Variants in ARMC9 observed in about 807,000 individuals in gnomAD.
ARMC9 encodes armadillo repeat containing 9, also known as lisH domain-containing protein ARMC9.
Under a neutral mutation model 107.0 loss-of-function variants are expected in ARMC9, and 94 were observed. The ratio of observed to expected loss-of-function variants is 0.88; its 90% CI spans 0.74 to 1.04. ARMC9 has a LOEUF of 1.04. Among genes scored for constraint, ARMC9 ranks in the 50% least tolerant of loss-of-function variants. The pLI, the probability that ARMC9 is intolerant of heterozygous loss-of-function variation, is 0.00. For synonymous variants in ARMC9, 380 were observed against 396.9 expected (o/e 0.96, Z 0.51); for missense variants, 942 against 1,030.1 (o/e 0.91, Z 1.17).
intron 17 of ARMC9, among the ~76,000 whole-genome samples, chr2:231,290,756 A>C (rs1283963372): frequency 1.3e-5 from 2 of 152,218 alleles, no homozygotes; most frequent in African/African-American, 4.8e-5. Context: ...AAAAGGAATG[A>C]AATCTGTTTA....
chr2:231,239,933 C>T lies in ARMC9; in HGVS notation c.781-10C>T. The T allele has an allele frequency of 6.2e-7, 1 of 1,610,168 alleles. No homozygotes were observed. Among genetic ancestry groups the T allele is most frequent in the Non-Finnish European group, 8.5e-7 (1 of 1,176,574 alleles). ...TGCCATCACCAGATGTCTTTGTATC[C>T]TCCTTGCAGATCACCCCTGAGTACC... is the stretch of plus-strand genomic sequence containing the variant. On this transcript the variant is annotated splice_polypyrimidine_tract_variant and intron_variant, in intron 8 of 24. Transcript: ENST00000611582.
At chr2:231,287,361 C>T (rs1412017418) in intron 17 of ARMC9, among the ~76,000 whole-genome samples, 4 of 152,232 alleles carry the variant, frequency 2.6e-5, no homozygotes, top group Admixed American at 2.6e-4. Context: ...GGTGTGCCTG[C>T]ACCCTAGCTG....
intron 19 of ARMC9, among the ~76,000 whole-genome samples, chr2:231,326,523 A>G (rs7570052): frequency 0.56 from 85,354 of 152,054 alleles, 24,422 homozygotes; most frequent in Admixed American, 0.61. Context: ...CTTTGGGGAC[A>G]GCCTAGAGTA....
Position 231,360,806 on chromosome 2 carries a change from G to T in ARMC9, c.2184G>T (p.Glu728Asp). 2.0e-6 allele frequency: 3 copies of T among 1,536,160 alleles called. No individual in the cohort carries two copies. The highest frequency in any genetic ancestry group is 2.6e-6 in the Non-Finnish European group (3 of 1,146,916). ...GGCTCCCAAGAGGACGCCAGGAAGA[G>T]CCTCGCCCAGCCCCCACGGGGACCC... ...GEWLPRGRQEEPRPAPTGTPR... is the reference protein window; with the variant it reads ...GEWLPRGRQEDPRPAPTGTPR... Residue 728 changes from glutamate (E) to aspartate (D), a missense_variant, in exon 23 of 25, where the codon GAG becomes GAT. Glu to Asp is a conservative substitution (Grantham distance 45, BLOSUM62 2). Coordinates refer to ENST00000611582, the MANE Select transcript of ARMC9 (RefSeq NM_001352754.2). The surrounding 1 kb of genome is among the most constrained non-coding windows in gnomAD (Gnocchi z 4.7).
intron 20 of ARMC9, among the ~76,000 whole-genome samples, chr2:231,335,086 T>A: frequency 6.6e-6 from 1 of 152,242 alleles, no homozygotes; most frequent in Admixed American, 6.5e-5. Flanking sequence ...CTGTGCCATC[T>A]GCCCAACACA....
chr2:231,233,955 AATT>A (rs1392017406), intron 7 of ARMC9, among the ~76,000 whole-genome samples: 2 of 152,176 alleles, frequency 1.3e-5, no homozygotes, highest in Admixed American at 1.3e-4. Flanking sequence ...CCATCAAAGC[AATT>A]ATTGTCTCCA....
intron 23 of ARMC9, among the ~76,000 whole-genome samples, chr2:231,368,959 TA>T (rs1056705403): frequency 2.0e-5 from 3 of 152,146 alleles, no homozygotes; most frequent in African/African-American, 7.2e-5. Flanking sequence ...GTTATCAATG[TA>T]AAAAAAGGCA....
chr2:231,368,221 T>C (rs2045889993), intron 23 of ARMC9, among the ~76,000 whole-genome samples: 1 of 152,078 alleles, frequency 6.6e-6, no homozygotes, highest in South Asian at 2.1e-4. Flanking sequence ...CTCCTTTGTA[T>C]GTGTGAAAAA....
intron 7 of ARMC9, among the ~76,000 whole-genome samples, chr2:231,233,615 A>G (rs1384662835): frequency 2.0e-5 from 3 of 152,108 alleles, no homozygotes; most frequent in Non-Finnish European, 4.4e-5. Context: ...CGTCTGTACT[A>G]AAAATACAAA....
At chr2:231,266,106 C>T (rs1007101987) in intron 12 of ARMC9, among the ~76,000 whole-genome samples, 2 of 152,146 alleles carry the variant, frequency 1.3e-5, no homozygotes, top group African/African-American at 4.8e-5. Context: ...ACTATGGCAC[C>T]AAGGTAAACT....
chr2:231,345,557 T>TG (rs1256323471), intron 21 of ARMC9, among the ~76,000 whole-genome samples: 1 of 152,216 alleles, frequency 6.6e-6, no homozygotes, highest in African/African-American at 2.4e-5. Context: ...TCCATAGCCT[T>TG]GCTCGTACCC....
chr2:231,292,145 G>A (rs557454494), intron 18 of ARMC9, among the ~76,000 whole-genome samples: 3 of 149,948 alleles, frequency 2.0e-5, no homozygotes, highest in African/African-American at 7.4e-5. Flanking sequence ...TCCAGCCTGG[G>A]CGACAGAGCG....
At chr2:231,333,784 G>A (rs1456319130) in intron 20 of ARMC9, among the ~76,000 whole-genome samples, 2 of 152,210 alleles carry the variant, frequency 1.3e-5, no homozygotes, top group East Asian at 3.8e-4. Context: ...AGACACGCAG[G>A]CACGTAAACA....
intron 21 of ARMC9, among the ~76,000 whole-genome samples, chr2:231,347,032 A>G (rs897259912): frequency 2.0e-5 from 3 of 152,210 alleles, no homozygotes; most frequent in African/African-American, 7.2e-5. Context: ...AGAGATAAGG[A>G]TAGGGAATCT....
rs1052538985 is a variant in ARMC9, at chr2:231,255,839, C to T, written c.880-747C>T. 6.6e-6 allele frequency among the ~76,000 whole-genome samples: 1 copy of T among 152,130 alleles called. No homozygotes were observed. Among genetic ancestry groups the T allele is most frequent in the Non-Finnish European group, 1.5e-5 (1 of 68,028 alleles). The stretch of plus-strand genomic sequence containing the variant: ...GATCACGAGGTCAGGAGATTGAGAC[C>T]ATCCTGGCTAACACGGTGAAACCCC... On this transcript the variant is annotated intron_variant, in intron 9 of 24. Coordinates refer to ENST00000611582, the MANE Select transcript of ARMC9 (RefSeq NM_001352754.2). This position sits in a 1 kb window ranked among gnomAD's most constrained non-coding sequence, Gnocchi z 4.7.
At chr2:231,323,884 G>C (rs868618986) in intron 19 of ARMC9, among the ~76,000 whole-genome samples, 3 of 152,118 alleles carry the variant, frequency 2.0e-5, no homozygotes, top group Admixed American at 6.5e-5. Flanking sequence ...TAACAATAGC[G>C]TTTGCCTGCA....
At chr2:231,282,163 G>A in intron 17 of ARMC9, 30 bp downstream of exon 17, 1 of 1,607,634 alleles carries the variant, frequency 6.2e-7, no homozygotes, top group Non-Finnish European at 8.5e-7. Flanking sequence ...AAACATGTGA[G>A]CTTCCTTTAG....
intron 6 of ARMC9, among the ~76,000 whole-genome samples, chr2:231,223,281 A>G (rs78395148): frequency 0.015 from 2,286 of 152,290 alleles, 62 homozygotes; most frequent in African/African-American, 0.053. Flanking sequence ...GTAAGTGTAC[A>G]ATTTAATGCT....
At chr2:231,256,704 A>G in intron 10 of ARMC9, 84 bp downstream of exon 10, 2 of 1,433,650 alleles carry the variant, frequency 1.4e-6, no homozygotes, top group South Asian at 2.3e-5. Context: ...ATAAACACTT[A>G]GCAGCCTAGG....
Sources: gnomAD v4.1 joint callset for allele counts (sites outside exome capture counted in the v4.1 genomes callset) on GRCh38, gnomAD v4.1.1 for gene constraint, Gnocchi (gnomAD v3.1) non-coding constraint, MANE v1.5 for transcripts, NCBI Gene and HGNC (gene_info 2026-07-23, HGNC 2026-07-21) for gene names.